Variants in STK26 observed in about 807,000 individuals in gnomAD.
STK26 encodes serine/threonine kinase 26.
STK26 carries 14 observed loss-of-function variants against 34.7 expected under a neutral mutation model. That is an observed-to-expected ratio of 0.40 (90% confidence interval 0.27 to 0.63). The LOEUF is 0.63. Among genes scored for constraint, STK26 ranks in the 30% least tolerant of loss-of-function variants. The pLI, the probability that STK26 is intolerant of heterozygous loss-of-function variation, is 0.38. For synonymous variants in STK26, 100 were observed against 109.8 expected (o/e 0.91, Z 0.56); for missense variants, 226 against 309.1 (o/e 0.73, Z 2.02).
intron 6 of STK26, among the ~76,000 whole-genome samples, chrX:132,068,893 C>T (rs1272907921): frequency 9.0e-6 from 1 of 110,840 alleles, no homozygotes; most frequent in African/African-American, 3.3e-5. Context: ...TCCACAGTGG[C>T]CTCATGGTTG....
At chrX:132,073,814 CTG>C (rs1324104001) in intron 11 of STK26, among the ~76,000 whole-genome samples, 2 of 111,243 alleles carry the variant, frequency 1.8e-5, no homozygotes, top group African/African-American at 3.3e-5. Context: ...GGAACAAACT[CTG>C]TGACCTGTGA....
At chrX:132,047,200 C>A (rs1926526316) in intron 2 of STK26, among the ~76,000 whole-genome samples, 1 of 111,738 alleles carries the variant, frequency 8.9e-6, no homozygotes, top group South Asian at 3.7e-4. Flanking sequence ...CTAAAGAATT[C>A]CATAAAATTT....
intron 2 of STK26, among the ~76,000 whole-genome samples, chrX:132,031,842 CAT>C (rs759385474): frequency 1.3e-4 from 15 of 111,897 alleles, no homozygotes; most frequent in Non-Finnish European, 2.4e-4. Context: ...ACTCCTATAA[CAT>C]AGAGTGATTC....
chrX:132,031,372 A>G (rs1199508334), intron 2 of STK26, among the ~76,000 whole-genome samples: 1 of 112,417 alleles, frequency 8.9e-6, no homozygotes, highest in Non-Finnish European at 1.9e-5. Context: ...TTCTGAAAAC[A>G]TACAATAAAT....
At position 132,054,252 on chromosome X, in the gene STK26, A is replaced by G. The variant is rs140115625; in HGVS notation, c.43-379A>G. The stretch of plus-strand genomic sequence containing the variant: ...AATATTGGCAGAATGTTAGAAACTT[A>G]AACAGTTCACCTTAGCTTAGGTTAG... On this transcript the variant is annotated intron_variant, in intron 2 of 11. Coordinates refer to ENST00000394334, the MANE Select transcript of STK26 (RefSeq NM_016542.4). 6.2e-3 allele frequency among the ~76,000 whole-genome samples: 694 copies of G among 112,421 alleles called. 8 individuals are homozygous for G. Among genetic ancestry groups the G allele is most frequent in the African/African-American group, 0.021 (643 of 31,010 alleles).
chrX:132,071,475 A>C (rs780526420), intron 8 of STK26, among the ~76,000 whole-genome samples: 1 of 111,675 alleles, frequency 9.0e-6, no homozygotes, highest in Admixed American at 9.5e-5. Flanking sequence ...TATATTACAA[A>C]ATTTTGGAAC....
At position 132,075,161 on chromosome X, in the gene STK26, A is replaced by G; in HGVS notation, c.*1002A>G. 8.9e-6 allele frequency: 1 copy of G among 112,054 alleles called. No individual in the cohort carries two copies. Among genetic ancestry groups the G allele is most frequent in the East Asian group, 2.8e-4 (1 of 3,594 alleles). 9.2% of individuals were successfully genotyped at this position (112,054 alleles called of 1,213,427 possible). ...TTGTTTTTAAAAGGATATTTAAGTG[A>G]GCATTTTCTAGTTCATATGAAAATA... On this transcript the variant is annotated 3_prime_UTR_variant, in exon 12 of 12. Coordinates refer to ENST00000394334, the MANE Select transcript of STK26 (RefSeq NM_016542.4).
At chrX:132,039,191 T>A (rs762270432) in intron 2 of STK26, among the ~76,000 whole-genome samples, 60 of 111,192 alleles carry the variant, frequency 5.4e-4, no homozygotes, top group African/African-American at 1.9e-3. Context: ...TGGTAGTGCA[T>A]CATGAAATTA....
chrX:132,050,708 G>T (rs1926657624), intron 2 of STK26, among the ~76,000 whole-genome samples: 1 of 111,756 alleles, frequency 8.9e-6, no homozygotes, highest in Non-Finnish European at 1.9e-5. Flanking sequence ...AAAAATATAG[G>T]TATGTATAGT....
At chrX:132,043,065 TTAATAATTTA>T (rs1926322358) in intron 2 of STK26, among the ~76,000 whole-genome samples, 1 of 112,010 alleles carries the variant, frequency 8.9e-6, no homozygotes, top group African/African-American at 3.2e-5. Context: ...ACTCATGGTG[TTAATAATTTA>T]GTGCTGTGCT....
intron 2 of STK26, among the ~76,000 whole-genome samples, chrX:132,023,882 C>T (rs1935040514): frequency 8.9e-6 from 1 of 112,098 alleles, no homozygotes; most frequent in South Asian, 3.7e-4. Context: ...GAGCGCGCAA[C>T]TAGGTGGAGA....
Position 132,044,627 on chromosome X carries a change from TTCTCTCTCTCTCTCTC to T in STK26, c.43-9981_43-9966del, listed in dbSNP as rs202173059. 7.0e-5 allele frequency among the ~76,000 whole-genome samples: 3 copies of T among 43,094 alleles called. 1 individual carries two copies. The highest frequency in any genetic ancestry group is 2.6e-3 in the South Asian group (2 of 777). The allele number at this position is 43,094 out of a possible 115,157, so 37.4% of individuals were successfully genotyped here. On this transcript the variant is annotated intron_variant, in intron 2 of 11. Coordinates refer to ENST00000394334, the MANE Select transcript of STK26 (RefSeq NM_016542.4). ...AACTTAGTTTCACTGGATGTTCAAATTCTCTCTCTCTCTCTCTCTCTCTCTCTCTCTCTCTCTCGAG... is the reference window on the plus strand; with the variant it reads ...AACTTAGTTTCACTGGATGTTCAAATTCTCTCTCTCTCTCTCTCTCTCGAG...
intron 2 of STK26, among the ~76,000 whole-genome samples, chrX:132,040,122 T>A (rs1926207684): frequency 8.9e-6 from 1 of 112,317 alleles, no homozygotes; most frequent in Admixed American, 9.4e-5. Flanking sequence ...TTAAAAGAGT[T>A]ATTTAAAAAA....
At chrX:132,049,019 C>T (rs1021899416) in intron 2 of STK26, among the ~76,000 whole-genome samples, 3 of 112,258 alleles carry the variant, frequency 2.7e-5, no homozygotes, top group Admixed American at 1.9e-4. Flanking sequence ...CACTGTGTTG[C>T]CCAGGCTGGA....
intron 2 of STK26, among the ~76,000 whole-genome samples, chrX:132,029,433 G>A (rs749410859): frequency 9.0e-6 from 1 of 111,170 alleles, no homozygotes; most frequent in Admixed American, 9.6e-5. Flanking sequence ...GTGTTATGAT[G>A]TATGGGGGGC....
chrX:132,074,229 A>T lies in STK26; in HGVS notation c.*70A>T. ...CACCAAACCTACGTCAAGATTAACA[A>T]TGCTTAACCCATGAGCTCCATGTGC... On this transcript the variant is annotated 3_prime_UTR_variant, in exon 12 of 12. Coordinates refer to ENST00000394334, the MANE Select transcript of STK26 (RefSeq NM_016542.4). 9.5e-7 allele frequency: 1 copy of T among 1,054,218 alleles called. No individual in the cohort carries two copies. The highest frequency in any genetic ancestry group is 1.3e-6 in the Non-Finnish European group (1 of 769,495). The allele number at this position is 1,054,218 out of a possible 1,213,427, so 86.9% of individuals were successfully genotyped here. A position where few individuals can be genotyped will look rare whatever the true frequency, so the allele number is the denominator to read the frequency against.
At chrX:132,059,376 A>G (rs1926972458) in intron 3 of STK26, among the ~76,000 whole-genome samples, 1 of 112,461 alleles carries the variant, frequency 8.9e-6, no homozygotes, top group African/African-American at 3.2e-5. Flanking sequence ...TTGAAACTGT[A>G]TGCAGTTGTA....
intron 9 of STK26, 50 bp from the exon 10 acceptor site, chrX:132,072,763 A>G: frequency 1.8e-6 from 2 of 1,129,199 alleles, no homozygotes; most frequent in Non-Finnish European, 2.4e-6. Context: ...TAAGAAAATC[A>G]TGACACTTAT....
intron 2 of STK26, among the ~76,000 whole-genome samples, chrX:132,037,183 T>C (rs1175758188): frequency 8.9e-6 from 1 of 112,371 alleles, no homozygotes; most frequent in Non-Finnish European, 1.9e-5. Flanking sequence ...TACTGGAAGG[T>C]AAAAACCTGT....
Sources: allele counts gnomAD v4.1 joint callset (sites outside exome capture counted in the v4.1 genomes callset), GRCh38; gene constraint gnomAD v4.1.1; transcripts MANE v1.5; gene names NCBI Gene and HGNC (gene_info 2026-07-23, HGNC 2026-07-21).